The following UBE2R2 variants were observed in gnomAD, a reference collection of about 807,000 sequenced individuals.
UBE2R2 encodes ubiquitin-conjugating enzyme E2 R2.
In UBE2R2, 1 loss-of-function variant was observed where a neutral mutation model predicts 27.8. That is an observed-to-expected ratio of 0.04 (90% CI 0.01 to 0.17). The LOEUF (loss-of-function observed/expected upper bound fraction) is 0.17, where lower values mean the gene tolerates loss of function less well. Among genes scored for constraint, UBE2R2 ranks in the 10% least tolerant of loss-of-function variants. The pLI is 1.00. For missense variants in UBE2R2, 100 were observed against 291.0 expected, an observed-to-expected ratio of 0.34 and a Z score of 4.78; for synonymous variants, 106 against 113.3, an observed-to-expected ratio of 0.94 and a Z score of 0.41.
chr9:33,905,586 A>G (rs921666037), intron 3 of UBE2R2, among the ~76,000 whole-genome samples: 3 of 152,238 alleles, frequency 2.0e-5, no homozygotes, highest in Non-Finnish European at 4.4e-5. Flanking sequence ...CCAGCACTGC[A>G]CAGAAGGAGG....
chr9:33,836,757 C>CAA (rs776570301), intron 1 of UBE2R2, among the ~76,000 whole-genome samples: 23 of 148,008 alleles, frequency 1.6e-4, no homozygotes, highest in African/African-American at 2.7e-4. Context: ...ACTCTTATCT[C>CAA]AAAAAAAAAA....
intron 1 of UBE2R2, among the ~76,000 whole-genome samples, chr9:33,860,966 T>G (rs1038371177): frequency 4.3e-5 from 6 of 139,472 alleles, no homozygotes; most frequent in East Asian, 4.1e-4. Flanking sequence ...TTGTTTTTTG[T>G]TTTTTTTTTT....
chr9:33,875,556 C>T (rs548929833), intron 1 of UBE2R2, among the ~76,000 whole-genome samples: 17 of 152,232 alleles, frequency 1.1e-4, no homozygotes, highest in Admixed American at 9.8e-4. Context: ...CATAGTGAGA[C>T]CCTGTCTCTA....
intron 1 of UBE2R2, among the ~76,000 whole-genome samples, chr9:33,869,220 G>C (rs959839787): frequency 3.3e-5 from 5 of 152,100 alleles, no homozygotes; most frequent in Non-Finnish European, 7.3e-5. Context: ...AGTGAGCCCA[G>C]ATTGTGCCAC....
chr9:33,920,040 C>T lies in UBE2R2; in HGVS notation c.*2803C>T, dbSNP rs1822773106. 1 of 152,446 alleles carries T rather than the reference C, an allele frequency of 6.6e-6. No individual in the cohort carries two copies. The highest frequency in any genetic ancestry group is 1.5e-5 in the Non-Finnish European group (1 of 68,036). The allele number at this position is 152,446 out of a possible 1,614,324, so 9.4% of individuals were successfully genotyped here. ...CTTACCCTGGCAAATTGCTTCTTTA[C>T]TTGCTGGTTTCCTTACGTTTGGGGC... On this transcript the variant is annotated 3_prime_UTR_variant, in exon 5 of 5. Coordinates refer to ENST00000263228, the MANE Select transcript of UBE2R2 (RefSeq NM_017811.4).
intron 2 of UBE2R2, among the ~76,000 whole-genome samples, chr9:33,890,258 G>A (rs1821949981): frequency 6.6e-6 from 1 of 152,104 alleles, no homozygotes; most frequent in Non-Finnish European, 1.5e-5. Context: ...CCATAAATGT[G>A]TAGATATTTT....
intron 1 of UBE2R2, among the ~76,000 whole-genome samples, chr9:33,828,301 C>CA (rs774959128): frequency 3.4e-3 from 278 of 81,974 alleles, no homozygotes; most frequent in Middle Eastern, 9.4e-3. Context: ...GACTATTTCT[C>CA]AAAAAAAAAA....
chr9:33,820,324 A>G (rs1344058654), intron 1 of UBE2R2, among the ~76,000 whole-genome samples: 1 of 152,190 alleles, frequency 6.6e-6, no homozygotes, highest in Admixed American at 6.5e-5. Context: ...GTGATGTTAG[A>G]TTTCTTAAGC....
intron 3 of UBE2R2, among the ~76,000 whole-genome samples, chr9:33,905,433 C>G (rs1822332106): frequency 6.6e-6 from 1 of 152,124 alleles, no homozygotes; most frequent in Non-Finnish European, 1.5e-5. Context: ...TATTTATTTG[C>G]TTCCTTGGTT....
At chr9:33,844,290 C>T (rs905020946) in intron 1 of UBE2R2, among the ~76,000 whole-genome samples, 11 of 152,112 alleles carry the variant, frequency 7.2e-5, no homozygotes, top group African/African-American at 2.4e-4. Flanking sequence ...CTGCAACCTT[C>T]GCCTCCCGGG....
intron 1 of UBE2R2, among the ~76,000 whole-genome samples, chr9:33,829,637 G>A (rs68008151): frequency 0.055 from 8,295 of 152,182 alleles, 330 homozygotes; most frequent in Non-Finnish European, 0.082. Flanking sequence ...ATTGGTTTAT[G>A]CTTTTAAAAT....
At position 33,817,692 on chromosome 9, in the gene UBE2R2, T is replaced by G. The variant is rs1292532877; in HGVS notation, c.-66T>G. 1 of 1,296,852 alleles carries G rather than the reference T, an allele frequency of 7.7e-7. No homozygotes were observed. Among genetic ancestry groups the G allele is most frequent in the Admixed American group, 4.5e-5 (1 of 22,356 alleles). The allele number at this position is 1,296,852 out of a possible 1,614,324, so 80.3% of individuals were successfully genotyped here. On this transcript the variant is annotated 5_prime_UTR_variant, in exon 1 of 5. Coordinates refer to ENST00000263228, the MANE Select transcript of UBE2R2 (RefSeq NM_017811.4). ...GGGCGAGCGGAGGGGAGGGGCCTGG[T>G]CCGGCCCGGCCGGTGCGTGAGGACT...
chr9:33,877,823 G>GTC (rs1554675184), intron 1 of UBE2R2, among the ~76,000 whole-genome samples: 1,925 of 131,096 alleles, frequency 0.015, 17 homozygotes, highest in South Asian at 0.025. Flanking sequence ...CTGTCTGTCT[G>GTC]TCTCTCTCTC....
chr9:33,817,009 G>A (rs1006392347), upstream of UBE2R2, among the ~76,000 whole-genome samples: 18 of 152,042 alleles, frequency 1.2e-4, no homozygotes, highest in African/African-American at 3.9e-4. Context: ...GGAAACGGGA[G>A]GAGGAGGAGG....
At chr9:33,855,254 AT>A (rs1477357734) in intron 1 of UBE2R2, among the ~76,000 whole-genome samples, 2 of 151,326 alleles carry the variant, frequency 1.3e-5, no homozygotes, top group South Asian at 4.2e-4. Context: ...CCTTCAGTTT[AT>A]TTTTTTCCTG....
chr9:33,864,455 CA>C (rs1177903349), intron 1 of UBE2R2, among the ~76,000 whole-genome samples: 1 of 152,128 alleles, frequency 6.6e-6, no homozygotes, highest in African/African-American at 2.4e-5. Context: ...TTGTTATTAA[CA>C]ATTGAATCAA....
chr9:33,902,147 G>A (rs1822258666), intron 3 of UBE2R2, among the ~76,000 whole-genome samples: 1 of 151,898 alleles, frequency 6.6e-6, no homozygotes, highest in African/African-American at 2.4e-5. Context: ...TCAAACTACT[G>A]GGCTCAAGCA....
intron 1 of UBE2R2, among the ~76,000 whole-genome samples, chr9:33,848,551 A>T (rs1343439022): frequency 6.6e-6 from 1 of 152,112 alleles, no homozygotes; most frequent in East Asian, 1.9e-4. Flanking sequence ...GTTTCAAAAG[A>T]CTACAGAAGA....
rs1822762392 is a variant in UBE2R2, at chr9:33,919,810, A to G, written c.*2573A>G. On this transcript the variant is annotated 3_prime_UTR_variant, in exon 5 of 5. Coordinates refer to ENST00000263228, the MANE Select transcript of UBE2R2 (RefSeq NM_017811.4). ...AGTTTTGCTTATTATTTGATGTGACATGAACTCAAAATCCTGCATTTTTAG... is the reference window on the plus strand; with the variant it reads ...AGTTTTGCTTATTATTTGATGTGACGTGAACTCAAAATCCTGCATTTTTAG... The G allele has an allele frequency of 6.6e-6, 1 of 152,114 alleles. No homozygotes were observed. The highest frequency in any genetic ancestry group is 2.4e-5 in the African/African-American group (1 of 41,402). The allele number at this position is 152,114 out of a possible 1,614,324, so 9.4% of individuals were successfully genotyped here.
Sources: gnomAD v4.1 joint callset for allele counts (sites outside exome capture counted in the v4.1 genomes callset) on GRCh38, gnomAD v4.1.1 for gene constraint, MANE v1.5 for transcripts, NCBI Gene and HGNC (gene_info 2026-07-23, HGNC 2026-07-21) for gene names.